The following SPPL3 variants were observed in gnomAD, a reference collection of about 807,000 sequenced individuals.
The protein encoded by SPPL3 is signal peptide peptidase like 3, also known as signal peptide peptidase-like 3.
SPPL3 carries 5 observed loss-of-function variants against 42.4 expected under a neutral mutation model. The observed-to-expected ratio is 0.12, with a 90% CI of 0.06 to 0.25. SPPL3 has a LOEUF of 0.25. Ranked by LOEUF, SPPL3 falls within the 10% of genes least tolerant of loss-of-function variation. The pLI, the probability that SPPL3 is intolerant of heterozygous loss-of-function variation, is 1.00. For missense variants in SPPL3, 235 were observed against 489.0 expected, an observed-to-expected ratio of 0.48 and a Z score of 4.90; for synonymous variants, 195 against 181.8, an observed-to-expected ratio of 1.07 and a Z score of -0.58.
intron 1 of SPPL3, among the ~76,000 whole-genome samples, chr12:120,897,048 CGA>C (rs1282756263): frequency 1.3e-5 from 2 of 152,070 alleles, no homozygotes; most frequent in East Asian, 3.8e-4. Context: ...TAAATTTTCA[CGA>C]GATGGTTTGA....
intron 1 of SPPL3, among the ~76,000 whole-genome samples, chr12:120,892,029 G>C (rs952137982): frequency 3.9e-5 from 6 of 152,128 alleles, no homozygotes; most frequent in Non-Finnish European, 7.3e-5. Flanking sequence ...CATAACACTT[G>C]AACCAACTTA....
chr12:120,825,793 T>C (rs903397463), intron 1 of SPPL3, among the ~76,000 whole-genome samples: 3 of 152,072 alleles, frequency 2.0e-5, no homozygotes, highest in African/African-American at 7.2e-5. Context: ...TGTAGATAAA[T>C]TGGGCAGAAG....
intron 1 of SPPL3, among the ~76,000 whole-genome samples, chr12:120,812,467 TGAGGA>T (rs1351939879): frequency 6.6e-6 from 1 of 152,118 alleles, no homozygotes; most frequent in African/African-American, 2.4e-5. Context: ...TTGAATGTAC[TGAGGA>T]GACAAGTGGA....
intron 1 of SPPL3, among the ~76,000 whole-genome samples, chr12:120,817,144 A>C (rs1285346143): frequency 1.3e-5 from 2 of 151,484 alleles, no homozygotes; most frequent in Non-Finnish European, 2.9e-5. Flanking sequence ...AAAAAAAAAA[A>C]ATCAGCCAGG....
chr12:120,875,362 A>G (rs1201046585), intron 1 of SPPL3, among the ~76,000 whole-genome samples: 1 of 152,262 alleles, frequency 6.6e-6, no homozygotes. Flanking sequence ...GAAGATGCAT[A>G]CTATACACCC....
At chr12:120,780,577 T>G (rs11065264) in intron 6 of SPPL3, among the ~76,000 whole-genome samples, 59,641 of 136,806 alleles carry the variant, frequency 0.44, 13,783 homozygotes, top group Admixed American at 0.58. Flanking sequence ...GAAGACACCC[T>G]GTCTCTATTT....
chr12:120,848,969 A>G (rs1872134791), intron 1 of SPPL3, among the ~76,000 whole-genome samples: 1 of 152,080 alleles, frequency 6.6e-6, no homozygotes, highest in Admixed American at 6.6e-5. Flanking sequence ...ATGTAATACA[A>G]ACTTGATTAC....
chr12:120,885,918 G>A (rs1475766712), intron 1 of SPPL3, among the ~76,000 whole-genome samples: 4 of 144,714 alleles, frequency 2.8e-5, no homozygotes, highest in Non-Finnish European at 4.5e-5. Flanking sequence ...GCAATGGCGC[G>A]ATTTCAGCTC....
chr12:120,846,059 G>A (rs967875862), intron 1 of SPPL3, among the ~76,000 whole-genome samples: 1 of 152,066 alleles, frequency 6.6e-6, no homozygotes, highest in Non-Finnish European at 1.5e-5. Flanking sequence ...ACCACGCCCA[G>A]CTGATTTTTG....
In SPPL3 at chr12:120,877,560, C is replaced by G. The variant is rs184037239; in HGVS notation, c.23+26285G>C. 2.4e-3 allele frequency among the ~76,000 whole-genome samples: 369 copies of G among 152,222 alleles called. 2 individuals are homozygous for G. Among genetic ancestry groups the G allele is most frequent in the Admixed American group, 0.016 (242 of 15,284 alleles). ...CTTTGGGAGGCCGAGGCGGGTGGAT[C>G]ACCCAAGGTCAGGAGTTCAAGACCA... On this transcript the variant is annotated intron_variant, in intron 1 of 10. Transcript: ENST00000353487.
At chr12:120,781,153 A>G (rs893948977) in intron 6 of SPPL3, among the ~76,000 whole-genome samples, 2 of 152,202 alleles carry the variant, frequency 1.3e-5, no homozygotes, top group African/African-American at 2.4e-5. Flanking sequence ...CTGCCTAATC[A>G]ATAAAAAGCA....
intron 1 of SPPL3, among the ~76,000 whole-genome samples, chr12:120,852,698 TTTTAC>T (rs1566060795): frequency 0.13 from 3,316 of 25,588 alleles, 301 homozygotes; most frequent in Non-Finnish European, 0.24. Flanking sequence ...AATATACATA[TTTTAC>T]ATATATGAAA....
At chr12:120,819,959 C>T (rs968877118) in intron 1 of SPPL3, among the ~76,000 whole-genome samples, 5 of 151,914 alleles carry the variant, frequency 3.3e-5, no homozygotes, top group Admixed American at 6.6e-5. Context: ...AAAAAAGGTG[C>T]GAAAATGAAA....
intron 1 of SPPL3, among the ~76,000 whole-genome samples, chr12:120,891,258 T>C (rs1205840935): frequency 6.6e-6 from 1 of 152,166 alleles, no homozygotes; most frequent in African/African-American, 2.4e-5. Context: ...CTGTGAGTTT[T>C]CACCACTGCA....
chr12:120,830,767 C>T (rs942122126), intron 1 of SPPL3, among the ~76,000 whole-genome samples: 3 of 151,940 alleles, frequency 2.0e-5, no homozygotes, highest in African/African-American at 7.3e-5. Context: ...CTTAGAAGTC[C>T]TATCAGGCTG....
intron 2 of SPPL3, among the ~76,000 whole-genome samples, chr12:120,800,161 A>G (rs1870239795): frequency 6.6e-6 from 1 of 152,202 alleles, no homozygotes; most frequent in Non-Finnish European, 1.5e-5. Context: ...TTATAAATAT[A>G]CATTCCATCC....
intron 3 of SPPL3, among the ~76,000 whole-genome samples, chr12:120,787,608 A>C (rs1002460450): frequency 6.6e-6 from 1 of 152,204 alleles, no homozygotes; most frequent in South Asian, 2.1e-4. Context: ...ACTCAAGTCA[A>C]GAAACAAACC....
At chr12:120,877,612 C>A (rs1343413839) in intron 1 of SPPL3, among the ~76,000 whole-genome samples, 1 of 151,972 alleles carries the variant, frequency 6.6e-6, no homozygotes, top group East Asian at 1.9e-4. Flanking sequence ...GAGACCCTGT[C>A]TCTAGTAAAA....
At chr12:120,781,149 A>G (rs779268407) in intron 6 of SPPL3, among the ~76,000 whole-genome samples, 1 of 152,178 alleles carries the variant, frequency 6.6e-6, no homozygotes, top group Admixed American at 6.5e-5. Context: ...CAGACTGCCT[A>G]ATCAATAAAA....
Sources: allele counts gnomAD v4.1 joint callset (sites outside exome capture counted in the v4.1 genomes callset), GRCh38; gene constraint gnomAD v4.1.1; transcripts MANE v1.5; gene names NCBI Gene and HGNC (gene_info 2026-07-23, HGNC 2026-07-21).